AUTS2: variants seen among roughly 807,000 people sequenced by gnomAD.
AUTS2 encodes autism susceptibility gene 2 protein.
In AUTS2, 17 loss-of-function variants were observed where a neutral mutation model predicts 112.4. The ratio of observed to expected loss-of-function variants is 0.15; its 90% CI spans 0.10 to 0.23. The LOEUF is 0.23. AUTS2 is among the 10% of genes least tolerant of loss of function. The probability of loss-of-function intolerance (pLI) is 1.00; values close to 1 mark genes in which losing one functional copy is unlikely to be tolerated. For synonymous variants in AUTS2, 751 were observed against 702.7 expected (o/e 1.07, Z -1.09); for missense variants, 1,510 against 1,701.6 (o/e 0.89, Z 1.98).
intron 4 of AUTS2, among the ~76,000 whole-genome samples, chr7:70,136,459 T>G (rs1240718085): frequency 6.6e-6 from 1 of 152,212 alleles, no homozygotes; most frequent in African/African-American, 2.4e-5. Context: ...CTATTTCAAC[T>G]TTCTTTCCAA....
chr7:70,206,266 A>G lies in AUTS2; in HGVS notation c.660+71695A>G, dbSNP rs1009779397. On this transcript the variant is annotated intron_variant, in intron 4 of 18. Transcript: ENST00000342771. ...AAAGTGGAGGCTTTCTTGTGTATCT[A>G]TGTATGGTGATGAGGTTAAACCAGG... Among the ~76,000 whole-genome samples, 11 of 152,104 alleles carry G rather than the reference A, an allele frequency of 7.2e-5. No homozygotes were observed. In the East Asian group the frequency reaches 7.7e-4, roughly 11 times the overall value.
chr7:70,388,978 T>C (rs1793733339), intron 4 of AUTS2, among the ~76,000 whole-genome samples: 1 of 152,204 alleles, frequency 6.6e-6, no homozygotes, highest in African/African-American at 2.4e-5. Flanking sequence ...GCTGCCTCTG[T>C]TGTTCAAGAG....
intron 5 of AUTS2, among the ~76,000 whole-genome samples, chr7:70,548,989 C>T (rs1800910205): frequency 6.7e-6 from 1 of 148,326 alleles, no homozygotes; most frequent in African/African-American, 2.5e-5. Context: ...ACCCACAGGT[C>T]AATTTGGGCA....
chr7:69,955,280 T>C (rs149466764), intron 2 of AUTS2, among the ~76,000 whole-genome samples: 2 of 152,284 alleles, frequency 1.3e-5, no homozygotes, highest in African/African-American at 4.8e-5. Flanking sequence ...CAAAGAGGAC[T>C]TGCCAGTTAG....
At chr7:69,616,342 C>G (rs752952939) in intron 1 of AUTS2, among the ~76,000 whole-genome samples, 1 of 152,198 alleles carries the variant, frequency 6.6e-6, no homozygotes, top group Non-Finnish European at 1.5e-5. Context: ...TGTACAGCAT[C>G]TATCTCCACA....
chr7:70,697,086 A>C (rs1195125668), intron 5 of AUTS2, among the ~76,000 whole-genome samples: 1 of 152,324 alleles, frequency 6.6e-6, no homozygotes, highest in Non-Finnish European at 1.5e-5. Context: ...TTGGCTTTAT[A>C]ACTCACTATT....
chr7:69,697,590 A>C (rs888603167), intron 1 of AUTS2, among the ~76,000 whole-genome samples: 1 of 152,164 alleles, frequency 6.6e-6, no homozygotes, highest in Non-Finnish European at 1.5e-5. Flanking sequence ...AAAGAAAATG[A>C]ATCTTCTGCA....
At chr7:70,171,692 T>C (rs1562760357) in intron 4 of AUTS2, among the ~76,000 whole-genome samples, 1 of 152,104 alleles carries the variant, frequency 6.6e-6, no homozygotes, top group Non-Finnish European at 1.5e-5. Context: ...AAGGTATGAG[T>C]TCATGAGCAG....
chr7:70,701,637 A>T (rs1809467306), intron 6 of AUTS2, among the ~76,000 whole-genome samples: 1 of 152,164 alleles, frequency 6.6e-6, no homozygotes, highest in South Asian at 2.1e-4. Context: ...AAAACAAGTT[A>T]ATCAAACAGC....
chr7:70,439,137 C>T (rs1282463722), intron 5 of AUTS2, among the ~76,000 whole-genome samples: 1 of 152,194 alleles, frequency 6.6e-6, no homozygotes, highest in Non-Finnish European at 1.5e-5. Context: ...CACTTGTGCA[C>T]AAAAAGGCTT....
chr7:70,684,814 T>C (rs1303315081), intron 5 of AUTS2, among the ~76,000 whole-genome samples: 1 of 152,130 alleles, frequency 6.6e-6, no homozygotes, highest in African/African-American at 2.4e-5. Context: ...TTTCCTTATC[T>C]AAAATAAGGA....
At chr7:69,975,992 A>C (rs1217091902) in intron 2 of AUTS2, among the ~76,000 whole-genome samples, 1 of 152,176 alleles carries the variant, frequency 6.6e-6, no homozygotes. Context: ...TTTAAAAAAA[A>C]TGCATTTTAC....
Position 70,791,110 on chromosome 7 carries a change from C to G in AUTS2, c.*114C>G. 1 of 1,083,100 alleles carries G rather than the reference C, an allele frequency of 9.2e-7. No homozygotes were observed. Among genetic ancestry groups the G allele is most frequent in the Non-Finnish European group, 1.2e-6 (1 of 828,566 alleles). The allele number at this position is 1,083,100 out of a possible 1,614,324, so 67.1% of individuals were successfully genotyped here. On this transcript the variant is annotated 3_prime_UTR_variant, in exon 19 of 19. Transcript: ENST00000342771. ...CAGACTGGGGGGGAAAGCCCCACCC[C>G]TTCCCCTTGTAAAAAATGTATAGAC...
At chr7:69,914,391 AC>A (rs1795487760) in intron 2 of AUTS2, among the ~76,000 whole-genome samples, 4 of 150,902 alleles carry the variant, frequency 2.7e-5, no homozygotes, top group East Asian at 1.9e-4. Flanking sequence ...ACACACACAC[AC>A]ACAAACAATC....
chr7:70,605,715 C>T (rs750132133), intron 5 of AUTS2, among the ~76,000 whole-genome samples: 17 of 151,942 alleles, frequency 1.1e-4, no homozygotes, highest in East Asian at 3.9e-4. Context: ...TACAACATAG[C>T]GATGAATTTC....
chr7:70,034,812 A>G (rs1800928766), intron 2 of AUTS2, among the ~76,000 whole-genome samples: 1 of 152,184 alleles, frequency 6.6e-6, no homozygotes, highest in Admixed American at 6.5e-5. Context: ...TGTGAGTGTC[A>G]TACTCAGAAC....
At chr7:70,459,483 G>A (rs1401441163) in intron 5 of AUTS2, among the ~76,000 whole-genome samples, 1 of 152,178 alleles carries the variant, frequency 6.6e-6, no homozygotes, top group Non-Finnish European at 1.5e-5. Flanking sequence ...CGATAGCTAA[G>A]CTGTCATACA....
intron 5 of AUTS2, among the ~76,000 whole-genome samples, chr7:70,473,728 T>TA (rs1267245218): frequency 6.7e-6 from 1 of 150,078 alleles, no homozygotes; most frequent in Admixed American, 6.7e-5. Flanking sequence ...TTTTTTTTTT[T>TA]ACTTAGGTTG....
At chr7:69,841,093 C>G (rs1196907203) in intron 1 of AUTS2, among the ~76,000 whole-genome samples, 1 of 152,182 alleles carries the variant, frequency 6.6e-6, no homozygotes, top group African/African-American at 2.4e-5. Flanking sequence ...TAGGAGCTTC[C>G]TGATGTGACG....
Sources: gnomAD v4.1 joint callset for allele counts (sites outside exome capture counted in the v4.1 genomes callset) on GRCh38, gnomAD v4.1.1 for gene constraint, MANE v1.5 for transcripts, NCBI Gene and HGNC (gene_info 2026-07-23, HGNC 2026-07-21) for gene names.